Variants in STK3 observed in about 807,000 individuals in gnomAD.
STK3 encodes the protein serine/threonine-protein kinase 3.
A neutral mutation model predicts 58.0 loss-of-function variants in STK3; 41 were observed. The observed-to-expected ratio is 0.71, with a 90% CI of 0.55 to 0.92. The LOEUF is 0.92. STK3 is among the 40% of genes least tolerant of loss of function. The pLI, the probability that STK3 is intolerant of heterozygous loss-of-function variation, is 0.00. For synonymous variants in STK3, 170 were observed against 191.0 expected, an observed-to-expected ratio of 0.89 and a Z score of 0.91; for missense variants, 479 against 602.7, an observed-to-expected ratio of 0.79 and a Z score of 2.15.
At chr8:98,423,722 G>A (rs1818197269) in intron 3 of STK3, among the ~76,000 whole-genome samples, 1 of 152,206 alleles carries the variant, frequency 6.6e-6, no homozygotes, top group African/African-American at 2.4e-5. Context: ...CTCACAGTGG[G>A]GAATGTAGGT....
chr8:98,430,383 G>C (rs140176219), intron 3 of STK3: 1 of 167,060 alleles, frequency 6.0e-6, no homozygotes, highest in Non-Finnish European at 1.5e-5. Context: ...GAGTAAGGTC[G>C]TGTTGTCTTC....
chr8:98,697,009 C>G (rs1158159202), intron 6 of STK3, among the ~76,000 whole-genome samples: 3 of 152,130 alleles, frequency 2.0e-5, no homozygotes, highest in Admixed American at 6.5e-5. Flanking sequence ...GGTTGGTAAG[C>G]TATTGACTAT....
chr8:98,713,681 T>C (rs1222238994), intron 4 of STK3, among the ~76,000 whole-genome samples: 1 of 152,184 alleles, frequency 6.6e-6, no homozygotes. Flanking sequence ...GATTCACAGC[T>C]GAATTCTACC....
At chr8:98,753,872 CCTT>C (rs998099394) in intron 3 of STK3, among the ~76,000 whole-genome samples, 57 of 152,254 alleles carry the variant, frequency 3.7e-4, no homozygotes, top group Middle Eastern at 3.4e-3. Context: ...CCACTGGTCT[CCTT>C]GTCTTAGTTT....
intron 8 of STK3, among the ~76,000 whole-genome samples, chr8:98,556,350 G>A (rs1406794977): frequency 6.6e-6 from 1 of 151,890 alleles, no homozygotes; most frequent in African/African-American, 2.4e-5. Context: ...ATAAAATCTA[G>A]CCAAACGTGA....
At chr8:98,604,252 T>C (rs983353310) in intron 6 of STK3, among the ~76,000 whole-genome samples, 13 of 152,232 alleles carry the variant, frequency 8.5e-5, no homozygotes, top group Admixed American at 2.6e-4. Context: ...TGTTAGACAC[T>C]GTATTTTGGA....
At chr8:98,818,777 A>T (rs748038129) in intron 1 of STK3, among the ~76,000 whole-genome samples, 4 of 152,110 alleles carry the variant, frequency 2.6e-5, no homozygotes, top group African/African-American at 4.8e-5. Context: ...TCAGAAATTC[A>T]AGGTAATCTT....
At chr8:98,509,659 TTAAAC>T (rs1415813216) in intron 10 of STK3, among the ~76,000 whole-genome samples, 2 of 151,898 alleles carry the variant, frequency 1.3e-5, no homozygotes, top group South Asian at 2.1e-4. Flanking sequence ...CTTTTAAACT[TTAAAC>T]TAATCATAAA....
intron 6 of STK3, among the ~76,000 whole-genome samples, chr8:98,681,375 A>G (rs1293113711): frequency 3.3e-5 from 5 of 152,186 alleles, no homozygotes; most frequent in Non-Finnish European, 5.9e-5. Context: ...ACATAAAAGA[A>G]GTAGAGCTTA....
At chr8:98,756,776 G>A (rs549783910) in intron 3 of STK3, among the ~76,000 whole-genome samples, 3 of 152,140 alleles carry the variant, frequency 2.0e-5, no homozygotes, top group Non-Finnish European at 4.4e-5. Flanking sequence ...CCCATGGAAG[G>A]ATGTCTTTCA....
chr8:98,862,114 A>T (rs1836958417), intron 3 of STK3, among the ~76,000 whole-genome samples: 1 of 152,218 alleles, frequency 6.6e-6, no homozygotes, highest in Non-Finnish European at 1.5e-5. Flanking sequence ...GAGAAAGGGC[A>T]GAAAGAAGAT....
intron 1 of STK3, among the ~76,000 whole-genome samples, chr8:98,932,656 G>T (rs1840041938): frequency 6.6e-6 from 1 of 152,166 alleles, no homozygotes; most frequent in African/African-American, 2.4e-5. Context: ...ATCACCAAGG[G>T]AACTATCTTG....
chr8:98,858,757 T>A (rs1347127741), intron 3 of STK3, among the ~76,000 whole-genome samples: 2 of 151,812 alleles, frequency 1.3e-5, no homozygotes, highest in Non-Finnish European at 2.9e-5. Context: ...CTGGGCGTGG[T>A]GGTGCATGCC....
intron 4 of STK3, among the ~76,000 whole-genome samples, chr8:98,715,564 A>C (rs1240017487): frequency 6.6e-6 from 1 of 152,206 alleles, no homozygotes; most frequent in East Asian, 1.9e-4. Context: ...GAGAAATGCA[A>C]ATCAAAACCA....
chr8:98,779,968 GAATA>G (rs5893469), intron 1 of STK3, among the ~76,000 whole-genome samples: 101,997 of 151,216 alleles, frequency 0.67, 34,814 homozygotes, highest in South Asian at 0.76. Context: ...TATATATGTG[GAATA>G]AATTCCCAGA....
chr8:98,860,114 C>A (rs913478719), intron 3 of STK3, among the ~76,000 whole-genome samples: 3 of 152,110 alleles, frequency 2.0e-5, no homozygotes, highest in Non-Finnish European at 4.4e-5. Context: ...CTACTATGTG[C>A]GAGCCACTTT....
downstream of STK3, chr8:98,883,238 G>A (rs1301982629): frequency 1.9e-5 from 3 of 159,930 alleles, no homozygotes; most frequent in Non-Finnish European, 4.1e-5. Flanking sequence ...ACAGCTAAGG[G>A]GGAGAGGGGA....
intron 10 of STK3, among the ~76,000 whole-genome samples, chr8:98,512,149 T>C (rs1379143834): frequency 6.6e-6 from 1 of 150,794 alleles, no homozygotes; most frequent in Non-Finnish European, 1.5e-5. Flanking sequence ...AGGCTCCGGA[T>C]TGTGATGTTC....
chr8:98,533,448 T>A (rs1454635550), intron 9 of STK3, among the ~76,000 whole-genome samples: 1 of 152,098 alleles, frequency 6.6e-6, no homozygotes, highest in African/African-American at 2.4e-5. Flanking sequence ...CCTATGAGTA[T>A]GTTGTATGTA....
Sources: gnomAD v4.1 joint callset for allele counts (sites outside exome capture counted in the v4.1 genomes callset) on GRCh38, gnomAD v4.1.1 for gene constraint, MANE v1.5 for transcripts, NCBI Gene and HGNC (gene_info 2026-07-23, HGNC 2026-07-21) for gene names.